The following PRKCA variants were observed in gnomAD, a reference collection of about 807,000 sequenced individuals.
PRKCA encodes the protein protein kinase C alpha type.
Under a neutral mutation model 87.0 loss-of-function variants are expected in PRKCA, and 27 were observed. The ratio of observed to expected loss-of-function variants is 0.31; its 90% CI spans 0.23 to 0.43. The LOEUF is 0.43. Among genes scored for constraint, PRKCA ranks in the 20% least tolerant of loss-of-function variants. The pLI is 1.00. For missense variants in PRKCA, 518 were observed against 852.3 expected (o/e 0.61, Z 4.88); for synonymous variants, 329 against 311.1 (o/e 1.06, Z -0.61).
intron 5 of PRKCA, among the ~76,000 whole-genome samples, chr17:66,661,170 C>T (rs17761417): frequency 0.053 from 8,118 of 152,256 alleles, 290 homozygotes; most frequent in Admixed American, 0.078. Flanking sequence ...TCTACAGCTT[C>T]GCCTCTTGCA....
chr17:66,521,116 G>C (rs1967144737), intron 3 of PRKCA, among the ~76,000 whole-genome samples: 1 of 151,462 alleles, frequency 6.6e-6, no homozygotes, highest in African/African-American at 2.4e-5. Flanking sequence ...TTTTGATTTG[G>C]AAATTGCCCC....
chr17:66,491,195 A>G (rs1411593307), intron 2 of PRKCA, among the ~76,000 whole-genome samples: 1 of 152,188 alleles, frequency 6.6e-6, no homozygotes, highest in African/African-American at 2.4e-5. Flanking sequence ...AGGATTAGAG[A>G]AAGTGATTTT....
chr17:66,497,987 G>T (rs72842168), intron 3 of PRKCA, among the ~76,000 whole-genome samples: 27,752 of 152,046 alleles, frequency 0.18, 3,093 homozygotes, highest in East Asian at 0.3. Context: ...TTCCACAAAG[G>T]CTCACAGGAC....
Position 66,501,567 on chromosome 17 carries a change from C to A in PRKCA, c.288+5284C>A, listed in dbSNP as rs554276667. 3.3e-5 allele frequency among the ~76,000 whole-genome samples: 5 copies of A among 152,272 alleles called. No individual in the cohort carries two copies. The South Asian group carries it at 1.0e-3, about 32-fold the overall frequency. On this transcript the variant is annotated intron_variant, in intron 3 of 16. Transcript: ENST00000413366. The stretch of plus-strand genomic sequence containing the variant: ...GGCTTGGATGCTGAAGTATGTGGCT[C>A]ATGGAATGAGCAGCAGCTGTCTTCT...
At chr17:66,730,711 C>T (rs900216455) in intron 8 of PRKCA, among the ~76,000 whole-genome samples, 3 of 152,196 alleles carry the variant, frequency 2.0e-5, no homozygotes, top group African/African-American at 4.8e-5. Flanking sequence ...CTGGCTTTGC[C>T]ACAGACTGTT....
chr17:66,775,137 C>A, intron 14 of PRKCA: 1 of 977,066 alleles, frequency 1.0e-6, no homozygotes, highest in Non-Finnish European at 1.2e-6. Flanking sequence ...CTGATGGATG[C>A]GAGAAGCCTG....
At chr17:66,455,594 C>T (rs929704732) in intron 2 of PRKCA, among the ~76,000 whole-genome samples, 8 of 152,204 alleles carry the variant, frequency 5.3e-5, no homozygotes, top group African/African-American at 1.9e-4. Context: ...CTGGCTGAGT[C>T]AAACTTACTC....
chr17:66,373,715 G>A (rs1448760869), intron 2 of PRKCA, among the ~76,000 whole-genome samples: 1 of 152,154 alleles, frequency 6.6e-6, no homozygotes, highest in Non-Finnish European at 1.5e-5. Flanking sequence ...TCACAGAGAT[G>A]CTAAACCAGT....
intron 3 of PRKCA, among the ~76,000 whole-genome samples, chr17:66,511,515 T>C (rs1446622967): frequency 6.6e-6 from 1 of 152,126 alleles, no homozygotes; most frequent in African/African-American, 2.4e-5. Context: ...AATTGGTAAC[T>C]GGGAATAACT....
chr17:66,779,017 T>C (rs1029297654), intron 14 of PRKCA, among the ~76,000 whole-genome samples: 7 of 152,184 alleles, frequency 4.6e-5, no homozygotes, highest in African/African-American at 1.7e-4. Flanking sequence ...AATGCAAATT[T>C]AAATGTATTC....
chr17:66,727,895 C>T (rs994658047), intron 8 of PRKCA, among the ~76,000 whole-genome samples: 11 of 152,140 alleles, frequency 7.2e-5, no homozygotes, highest in Non-Finnish European at 1.3e-4. Flanking sequence ...GGTTCCTCGT[C>T]CCCCTGCCCT....
At chr17:66,610,504 C>G (rs189692524) in intron 3 of PRKCA, among the ~76,000 whole-genome samples, 1 of 152,272 alleles carries the variant, frequency 6.6e-6, no homozygotes, top group East Asian at 1.9e-4. Context: ...TATCCAGGAA[C>G]CCACCCAGAG....
At chr17:66,635,945 A>G (rs1384022593) in intron 3 of PRKCA, among the ~76,000 whole-genome samples, 3 of 152,106 alleles carry the variant, frequency 2.0e-5, no homozygotes, top group African/African-American at 7.2e-5. Context: ...AAATTATTTC[A>G]AATTAAATAG....
At chr17:66,534,078 C>A (rs1357681813) in intron 3 of PRKCA, among the ~76,000 whole-genome samples, 1 of 151,608 alleles carries the variant, frequency 6.6e-6, no homozygotes, top group African/African-American at 2.4e-5. Context: ...CGCACCCCCC[C>A]CAAAAAAATT....
intron 2 of PRKCA, among the ~76,000 whole-genome samples, chr17:66,473,339 GC>G (rs1915405564): frequency 6.6e-6 from 1 of 152,170 alleles, no homozygotes; most frequent in South Asian, 2.1e-4. Flanking sequence ...GCACGGACTC[GC>G]CCTGGCTTGC....
At position 66,523,826 on chromosome 17, in the gene PRKCA, G is replaced by A. The variant is rs188441873; in HGVS notation, c.288+27543G>A. Reference sequence around the variant, plus strand: ...TGAAGAAGGCAGCAACTTTCAGAGCGAGCGTCAGAGGGGCTTGTAATGAAC... The same window carrying A: ...TGAAGAAGGCAGCAACTTTCAGAGCAAGCGTCAGAGGGGCTTGTAATGAAC... On this transcript the variant is annotated intron_variant, in intron 3 of 16. Coordinates refer to ENST00000413366, the MANE Select transcript of PRKCA (RefSeq NM_002737.3). 7.2e-5 allele frequency among the ~76,000 whole-genome samples: 11 copies of A among 152,320 alleles called. No individual in the cohort carries two copies. The East Asian group carries it at 1.9e-3, about 27-fold the overall frequency.
chr17:66,321,919 C>A (rs1294565954), intron 2 of PRKCA, among the ~76,000 whole-genome samples: 1 of 152,180 alleles, frequency 6.6e-6, no homozygotes, highest in Non-Finnish European at 1.5e-5. Context: ...CTCATGCTAT[C>A]CACATCCTGA....
At chr17:66,334,165 G>T (rs566575782) in intron 2 of PRKCA, among the ~76,000 whole-genome samples, 1 of 152,118 alleles carries the variant, frequency 6.6e-6, no homozygotes, top group Non-Finnish European at 1.5e-5. Flanking sequence ...CAGGAGAATC[G>T]CTTGAACCCG....
intron 5 of PRKCA, among the ~76,000 whole-genome samples, chr17:66,669,386 G>A (rs1055886370): frequency 2.6e-5 from 4 of 151,934 alleles, no homozygotes; most frequent in Non-Finnish European, 5.9e-5. Flanking sequence ...TAGAATGCAG[G>A]CAAAAGGACA....
Sources: allele counts gnomAD v4.1 joint callset (sites outside exome capture counted in the v4.1 genomes callset), GRCh38; gene constraint gnomAD v4.1.1; transcripts MANE v1.5; gene names NCBI Gene and HGNC (gene_info 2026-07-23, HGNC 2026-07-21).